ACAP2: variants seen among roughly 807,000 people sequenced by gnomAD.
ACAP2 encodes the protein ArfGAP with coiled-coil, ankyrin repeat and PH domains 2, also known as arf-GAP with coiled-coil, ANK repeat and PH domain-containing protein 2.
A neutral mutation model predicts 115.8 loss-of-function variants in ACAP2; 39 were observed. The ratio of observed to expected loss-of-function variants is 0.34; its 90% CI spans 0.26 to 0.44. The LOEUF (loss-of-function observed/expected upper bound fraction) is 0.44. Among genes scored for constraint, ACAP2 ranks in the 20% least tolerant of loss-of-function variants. The pLI, the probability that ACAP2 is intolerant of heterozygous loss-of-function variation, is 1.00. For missense variants in ACAP2, 662 were observed against 927.6 expected (o/e 0.71, Z 3.72); for synonymous variants, 289 against 315.8 (o/e 0.92, Z 0.90).
rs1348066153 is a variant in ACAP2 at position 195,345,699 on chromosome 3, GA to G, written c.286-383del. ...TCCAATATATCACAGCATACCAAATGAAAACAGCTCCAGAAACGCCATATAC... is the reference window on the plus strand; with the variant it reads ...TCCAATATATCACAGCATACCAAATGAAACAGCTCCAGAAACGCCATATAC... On this transcript the variant is annotated intron_variant, in intron 4 of 22. Coordinates refer to ENST00000326793, the MANE Select transcript of ACAP2 (RefSeq NM_012287.6). Among the ~76,000 whole-genome samples, 4 of 152,266 alleles carry G rather than the reference GA, an allele frequency of 2.6e-5. No homozygotes were observed. The East Asian group carries it at 5.8e-4, about 22-fold the overall frequency.
intron 1 of ACAP2, among the ~76,000 whole-genome samples, chr3:195,427,435 A>C (rs1194026987): frequency 6.6e-6 from 1 of 152,078 alleles, no homozygotes; most frequent in African/African-American, 2.4e-5. Flanking sequence ...TCGGAGGTGC[A>C]CTGTTAGATG....
intron 10 of ACAP2, among the ~76,000 whole-genome samples, chr3:195,310,581 G>A (rs902229291): frequency 6.6e-6 from 1 of 152,168 alleles, no homozygotes; most frequent in Non-Finnish European, 1.5e-5. Context: ...TTTGATGAAA[G>A]CTACGAAGAG....
At chr3:195,331,368 G>A (rs952468800) in intron 8 of ACAP2, among the ~76,000 whole-genome samples, 4 of 150,392 alleles carry the variant, frequency 2.7e-5, no homozygotes, top group Non-Finnish European at 5.9e-5. Flanking sequence ...GTTTCCCTCT[G>A]TCACCCAGGC....
intron 2 of ACAP2, among the ~76,000 whole-genome samples, chr3:195,382,884 A>G (rs2108754410): frequency 6.6e-6 from 1 of 152,198 alleles, no homozygotes; most frequent in Middle Eastern, 3.4e-3. Context: ...GCATGGAAAA[A>G]AAAAAAAAAG....
chr3:195,295,180 C>G, intron 17 of ACAP2: 1 of 1,258,072 alleles, frequency 7.9e-7, no homozygotes, highest in Non-Finnish European at 1.0e-6. Context: ...GAATGCTCCA[C>G]AAGAGTAGTA....
At chr3:195,426,660 T>G (rs1445673934) in intron 1 of ACAP2, among the ~76,000 whole-genome samples, 1 of 152,014 alleles carries the variant, frequency 6.6e-6, no homozygotes, top group African/African-American at 2.4e-5. Context: ...CTACGGCAAC[T>G]GAGTAGTCCA....
At chr3:195,386,726 C>A (rs1365863803) in intron 2 of ACAP2, among the ~76,000 whole-genome samples, 1 of 151,910 alleles carries the variant, frequency 6.6e-6, no homozygotes, top group African/African-American at 2.4e-5. Flanking sequence ...GTGCAGCAAA[C>A]CACCATGGCA....
chr3:195,393,599 G>A (rs891711805), intron 1 of ACAP2, among the ~76,000 whole-genome samples: 6 of 152,168 alleles, frequency 3.9e-5, no homozygotes, highest in East Asian at 1.9e-4. Flanking sequence ...CTTCAGCAAC[G>A]TTTTTCAAAC....
intron 1 of ACAP2, among the ~76,000 whole-genome samples, chr3:195,416,533 A>C (rs142529485): frequency 6.6e-6 from 1 of 152,294 alleles, no homozygotes; most frequent in East Asian, 1.9e-4. Context: ...TAACACCTTT[A>C]GAAAGCATTT....
At chr3:195,357,208 G>A (rs1296559941) in intron 4 of ACAP2, among the ~76,000 whole-genome samples, 1 of 151,992 alleles carries the variant, frequency 6.6e-6, no homozygotes, top group Non-Finnish European at 1.5e-5. Flanking sequence ...CTGTGTGGAG[G>A]TGGACACAGG....
At chr3:195,417,063 C>T (rs1713790692) in intron 1 of ACAP2, among the ~76,000 whole-genome samples, 1 of 149,086 alleles carries the variant, frequency 6.7e-6, no homozygotes, top group Non-Finnish European at 1.5e-5. Flanking sequence ...AGCTGGGCAT[C>T]ACAATGCCTG....
intron 4 of ACAP2, among the ~76,000 whole-genome samples, chr3:195,346,044 C>T (rs1731168605): frequency 6.6e-6 from 1 of 152,066 alleles, no homozygotes; most frequent in South Asian, 2.1e-4. Flanking sequence ...AAAGAAAATC[C>T]TCCATTCTTT....
intron 4 of ACAP2, among the ~76,000 whole-genome samples, chr3:195,363,675 G>A (rs1268785398): frequency 6.6e-6 from 1 of 150,732 alleles, no homozygotes; most frequent in East Asian, 1.9e-4. Context: ...ACTATCCTAA[G>A]CAAAAAGAAC....
At chr3:195,294,856 T>G (rs376231375) in intron 17 of ACAP2, 45 bp from the exon 18 acceptor site, 420 of 1,253,094 alleles carry the variant, frequency 3.4e-4, no homozygotes, top group Non-Finnish European at 4.6e-4. Flanking sequence ...TCATGCCATT[T>G]AGAAAACAAT....
chr3:195,417,564 A>G (rs1713839126), intron 1 of ACAP2, among the ~76,000 whole-genome samples: 1 of 152,162 alleles, frequency 6.6e-6, no homozygotes, highest in Non-Finnish European at 1.5e-5. Flanking sequence ...TATAGCAACC[A>G]CCTTCTAAAG....
intron 4 of ACAP2, among the ~76,000 whole-genome samples, chr3:195,348,107 G>C (rs1290212753): frequency 6.6e-6 from 1 of 151,420 alleles, no homozygotes; most frequent in Non-Finnish European, 1.5e-5. Flanking sequence ...ATGTTCTTTT[G>C]TCTATAAATT....
At chr3:195,394,292 A>G (rs1711563250) in intron 1 of ACAP2, among the ~76,000 whole-genome samples, 2 of 152,214 alleles carry the variant, frequency 1.3e-5, no homozygotes, top group African/African-American at 2.4e-5. Context: ...CAAGGGAGAA[A>G]CTCACTAAGT....
chr3:195,338,174 T>C (rs923491225), intron 6 of ACAP2, among the ~76,000 whole-genome samples: 1 of 152,244 alleles, frequency 6.6e-6, no homozygotes, highest in Non-Finnish European at 1.5e-5. Flanking sequence ...TATTTTCTGA[T>C]TTGTGTCTTC....
intron 4 of ACAP2, among the ~76,000 whole-genome samples, chr3:195,376,396 T>G (rs1261777271): frequency 1.3e-5 from 2 of 151,504 alleles, no homozygotes; most frequent in Non-Finnish European, 2.9e-5. Flanking sequence ...TCAAAAAAGA[T>G]ATATATATAT....
Sources: allele counts gnomAD v4.1 joint callset (sites outside exome capture counted in the v4.1 genomes callset), GRCh38; gene constraint gnomAD v4.1.1; transcripts MANE v1.5; gene names NCBI Gene and HGNC (gene_info 2026-07-23, HGNC 2026-07-21).